GRM5: variants seen among roughly 807,000 people sequenced by gnomAD.
The protein encoded by GRM5 is glutamate metabotropic receptor 5.
Under a neutral mutation model 83.1 loss-of-function variants are expected in GRM5, and 19 were observed. That is an observed-to-expected ratio of 0.23 (90% CI 0.16 to 0.34). GRM5 has a LOEUF of 0.34. Among genes scored for constraint, GRM5 ranks in the 10% least tolerant of loss-of-function variants. The pLI, the probability that GRM5 is intolerant of heterozygous loss-of-function variation, is 1.00. For missense variants in GRM5, 1,160 were observed against 1,588.3 expected, an observed-to-expected ratio of 0.73 and a Z score of 4.58; for synonymous variants, 675 against 633.6, an observed-to-expected ratio of 1.07 and a Z score of -0.98.
At chr11:88,595,566 T>C (rs1937776389) in intron 6 of GRM5, among the ~76,000 whole-genome samples, 1 of 152,236 alleles carries the variant, frequency 6.6e-6, no homozygotes, top group South Asian at 2.1e-4. Flanking sequence ...TACGTTGCTG[T>C]GAATGACAGG....
intron 3 of GRM5, among the ~76,000 whole-genome samples, chr11:88,703,071 T>G (rs1234102094): frequency 8.7e-6 from 1 of 115,360 alleles, no homozygotes; most frequent in African/African-American, 2.6e-5. Flanking sequence ...TAGCAAATAT[T>G]TTCTCAACAT....
chr11:88,832,813 C>T (rs1308033609), intron 3 of GRM5, among the ~76,000 whole-genome samples: 4 of 152,092 alleles, frequency 2.6e-5, no homozygotes, highest in East Asian at 1.9e-4. Context: ...TAAATCCATG[C>T]GTTTTTTATC....
chr11:88,972,420 G>T (rs947077782), intron 2 of GRM5, among the ~76,000 whole-genome samples: 1 of 152,098 alleles, frequency 6.6e-6, no homozygotes, highest in Non-Finnish European at 1.5e-5. Flanking sequence ...TGACTGTTGA[G>T]CCACTTTTTG....
At chr11:88,563,978 A>C (rs539644839) in intron 8 of GRM5, among the ~76,000 whole-genome samples, 1 of 152,304 alleles carries the variant, frequency 6.6e-6, no homozygotes, top group African/African-American at 2.4e-5. Context: ...AAGGAATTTT[A>C]GTTTGCATCT....
intron 3 of GRM5, among the ~76,000 whole-genome samples, chr11:88,658,458 GC>G (rs1939823037): frequency 6.6e-6 from 1 of 152,160 alleles, no homozygotes; most frequent in Non-Finnish European, 1.5e-5. Flanking sequence ...GCAATTGACA[GC>G]ATCACTGTGT....
rs555323147 is a variant in GRM5, at chr11:88,512,875, G to A, written c.2727-3371C>T. Among the ~76,000 whole-genome samples the A allele has an allele frequency of 2.6e-5, 4 of 152,310 alleles. No individual in the cohort carries two copies. In the South Asian group the frequency reaches 8.3e-4, roughly 32 times the overall value. On this transcript the variant is annotated intron_variant, in intron 9 of 9. Transcript: ENST00000305447. ...TTTGAACCCTGGTTTAAGGAACAGA[G>A]AATTCAGTGCAAAGTAAAATATTTG...
At chr11:88,984,798 G>A (rs781092770) in intron 2 of GRM5, 1 of 739,064 alleles carries the variant, frequency 1.4e-6, no homozygotes, top group Non-Finnish European at 2.5e-6. Flanking sequence ...GACAGCACTT[G>A]GATGTTTTCA....
chr11:88,815,129 A>C (rs13377372), intron 3 of GRM5, among the ~76,000 whole-genome samples: 3,881 of 152,302 alleles, frequency 0.025, 174 homozygotes, highest in African/African-American at 0.089. Context: ...CATATACATT[A>C]TTTTCAAGGA....
chr11:88,818,193 T>C (rs1943724148), intron 3 of GRM5, among the ~76,000 whole-genome samples: 2 of 152,130 alleles, frequency 1.3e-5, no homozygotes, highest in Admixed American at 1.3e-4. Context: ...ATTTTTATAA[T>C]GCCTTGGAGG....
At chr11:88,516,224 G>T (rs1201762224) in intron 9 of GRM5, among the ~76,000 whole-genome samples, 2 of 152,118 alleles carry the variant, frequency 1.3e-5, no homozygotes, top group Non-Finnish European at 2.9e-5. Context: ...CTTCACTATA[G>T]ATATGAGAAA....
intron 2 of GRM5, among the ~76,000 whole-genome samples, chr11:88,975,706 T>C (rs1939313190): frequency 6.6e-6 from 1 of 152,210 alleles, no homozygotes; most frequent in Non-Finnish European, 1.5e-5. Context: ...TGGGCATGAA[T>C]GTTTGTGAAG....
intron 3 of GRM5, among the ~76,000 whole-genome samples, chr11:88,744,080 A>G (rs2135419403): frequency 6.6e-6 from 1 of 152,324 alleles, no homozygotes; most frequent in African/African-American, 2.4e-5. Flanking sequence ...CACAATTTTA[A>G]GGGCAGATTA....
intron 8 of GRM5, among the ~76,000 whole-genome samples, chr11:88,540,738 A>G (rs988332452): frequency 6.6e-6 from 1 of 151,472 alleles, no homozygotes; most frequent in Non-Finnish European, 1.5e-5. Context: ...TTTTATTTCT[A>G]TTTTTTATTT....
intron 2 of GRM5, among the ~76,000 whole-genome samples, chr11:89,042,300 G>C (rs559005049): frequency 6.6e-6 from 1 of 152,242 alleles, no homozygotes; most frequent in Admixed American, 6.5e-5. Flanking sequence ...CAATGGAGAG[G>C]TAGAAAAATG....
chr11:88,965,767 A>C (rs1338063254), intron 2 of GRM5, among the ~76,000 whole-genome samples: 2 of 152,210 alleles, frequency 1.3e-5, no homozygotes, highest in Non-Finnish European at 2.9e-5. Context: ...CTGTTGGTAC[A>C]TAAAGGAGAC....
At chr11:89,022,216 A>C (rs1941001765) in intron 2 of GRM5, among the ~76,000 whole-genome samples, 1 of 152,186 alleles carries the variant, frequency 6.6e-6, no homozygotes, top group Non-Finnish European at 1.5e-5. Flanking sequence ...TAAAGGAGCC[A>C]ATATTCACTA....
chr11:88,753,036 C>G (rs1300559957), intron 3 of GRM5, among the ~76,000 whole-genome samples: 2 of 152,110 alleles, frequency 1.3e-5, no homozygotes, highest in African/African-American at 4.8e-5. Context: ...CCATTCAGGA[C>G]AGAGGCATGA....
chr11:88,569,570 T>C (rs762424529), intron 7 of GRM5, among the ~76,000 whole-genome samples: 13 of 152,214 alleles, frequency 8.5e-5, no homozygotes, highest in South Asian at 6.2e-4. Flanking sequence ...GAAAGTAACC[T>C]TTTTCCCTTC....
At chr11:88,661,336 G>C (rs1309051443) in intron 3 of GRM5, among the ~76,000 whole-genome samples, 1 of 152,134 alleles carries the variant, frequency 6.6e-6, no homozygotes, top group East Asian at 1.9e-4. Context: ...AAATAACACT[G>C]TCAAATGTGC....
Sources: allele counts gnomAD v4.1 joint callset (sites outside exome capture counted in the v4.1 genomes callset), GRCh38; gene constraint gnomAD v4.1.1; transcripts MANE v1.5; gene names NCBI Gene and HGNC (gene_info 2026-07-23, HGNC 2026-07-21).